KLHL25: variants seen among roughly 807,000 people sequenced by gnomAD.
KLHL25 encodes the protein kelch-like protein 25.
Under a neutral mutation model 30.0 loss-of-function variants are expected in KLHL25, and 41 were observed. That is an observed-to-expected ratio of 1.37 (90% CI 1.07 to 1.78). KLHL25 has a LOEUF of 1.78. Among genes scored for constraint, KLHL25 ranks in the 40% most tolerant of loss-of-function variants. KLHL25 has a pLI of 0.00. For missense variants in KLHL25, 971 were observed against 824.5 expected, an observed-to-expected ratio of 1.18 and a Z score of -2.18; for synonymous variants, 399 against 355.3, an observed-to-expected ratio of 1.12 and a Z score of -1.38.
rs2089577509 is a variant in KLHL25 at position 85,760,901 on chromosome 15, T to TCC, written c.*133_*134dup. On this transcript the variant is annotated 3_prime_UTR_variant, in exon 3 of 3. Transcript: ENST00000337975. ...GCTCAGAACAGCCCAAGGCTGCTGC[T>TCC]CCCCAGAGCTGGCAGGGCCCCTTCC... 6.6e-6 allele frequency: 1 copy of TCC among 152,242 alleles called. No individual in the cohort carries two copies. The allele number at this position is 152,242 out of a possible 1,614,324, so 9.4% of individuals were successfully genotyped here. A position where few individuals can be genotyped will look rare whatever the true frequency, so the allele number is the denominator to read the frequency against.
At chr15:85,788,134 C>T (rs1463816863) in intron 1 of KLHL25, among the ~76,000 whole-genome samples, 2 of 146,294 alleles carry the variant, frequency 1.4e-5, no homozygotes, top group African/African-American at 5.1e-5. Flanking sequence ...TGAAAGAGAA[C>T]AATGTTATCC....
chr15:85,788,199 G>C (rs571584662), intron 1 of KLHL25, among the ~76,000 whole-genome samples: 3 of 152,230 alleles, frequency 2.0e-5, no homozygotes, highest in African/African-American at 7.2e-5. Context: ...GCACCTCTCT[G>C]TGCCTCATGA....
In KLHL25 at chr15:85,788,634, G is replaced by A. The variant is rs190711141; in HGVS notation, c.-11+6132C>T. Among the ~76,000 whole-genome samples the A allele has an allele frequency of 2.6e-5, 4 of 152,210 alleles. No homozygotes were observed. The East Asian group carries it at 5.8e-4, about 22-fold the overall frequency. On this transcript the variant is annotated intron_variant, in intron 1 of 2. Transcript: ENST00000337975. ...ACATGCCCACTATTGAGACCCTAGC[G>A]CTGTGCCATACCCGCCTGTCTGCCT...
At chr15:85,764,685 G>A (rs2089607147) in intron 2 of KLHL25, among the ~76,000 whole-genome samples, 1 of 152,214 alleles carries the variant, frequency 6.6e-6, no homozygotes, top group Admixed American at 6.5e-5. Flanking sequence ...AGGCCTTTCA[G>A]AGGGAGGGGC....
In KLHL25 at chr15:85,789,582, T is replaced by C. The variant is rs375441898; in HGVS notation, c.-11+5184A>G. Among the ~76,000 whole-genome samples the C allele has an allele frequency of 6.6e-6, 1 of 152,154 alleles. No homozygotes were observed. Among genetic ancestry groups the C allele is most frequent in the Non-Finnish European group, 1.5e-5 (1 of 68,020 alleles). On this transcript the variant is annotated intron_variant, in intron 1 of 2. Transcript: ENST00000337975. The surrounding 1 kb of genome is among the most constrained non-coding windows in gnomAD (Gnocchi z 4.1). Reference sequence around the variant, plus strand: ...GATCTCCCTTGCTCCTCAAAGCTCGTTGTCCAACTCTCTGCTGGGAGGTGG... The same window carrying C: ...GATCTCCCTTGCTCCTCAAAGCTCGCTGTCCAACTCTCTGCTGGGAGGTGG...
At chr15:85,774,876 TTTTC>T (rs1424487026) in intron 1 of KLHL25, among the ~76,000 whole-genome samples, 2 of 109,862 alleles carry the variant, frequency 1.8e-5, no homozygotes, top group Admixed American at 9.3e-5. Flanking sequence ...TCTTTTTTTC[TTTTC>T]TTTTTTTTTT....
intron 1 of KLHL25, among the ~76,000 whole-genome samples, chr15:85,780,090 T>G (rs1230462439): frequency 6.6e-6 from 1 of 152,192 alleles, no homozygotes; most frequent in Non-Finnish European, 1.5e-5. Flanking sequence ...TCAAGGCAGA[T>G]GGAAGGTGCC....
rs903206031 is a variant in KLHL25 at position 85,776,768 on chromosome 15, A to G, written c.-10-6948T>C. On this transcript the variant is annotated intron_variant, in intron 1 of 2. Transcript: ENST00000337975. ...GTGAAACCCTGCCTCTACTAAAAAT[A>G]CAAAAAATTAGCTGGGTGTGGTGGC... Among the ~76,000 whole-genome samples, 6 of 151,190 alleles carry G rather than the reference A, an allele frequency of 4.0e-5. No homozygotes were observed. In the South Asian group the frequency reaches 1.3e-3, roughly 32 times the overall value.
At chr15:85,784,482 C>G (rs576828333) in intron 1 of KLHL25, among the ~76,000 whole-genome samples, 2 of 151,780 alleles carry the variant, frequency 1.3e-5, no homozygotes, top group Non-Finnish European at 1.5e-5. Flanking sequence ...AGTGAGCTGA[C>G]GTTGCTCTAC....
intron 1 of KLHL25, chr15:85,770,384 T>C: frequency 2.1e-6 from 1 of 465,846 alleles, no homozygotes; most frequent in Non-Finnish European, 4.4e-6. Context: ...CAGGGTTTGC[T>C]GTGGACGCCC....
In KLHL25 at chr15:85,769,439, G is replaced by A. The variant is rs35444061; in HGVS notation, c.372C>T (p.Gly124=). 7.7e-3 allele frequency: 12,367 copies of A among 1,614,016 alleles called. 810 individuals are homozygous for A. In the African/African-American group the frequency reaches 0.15, roughly 19 times the overall value. ...EENAESLLEA[G]DMLQFHDVRD... is the part of the protein sequence containing the mutation. ...GCACATCGTGGAACTGCAGCATGTC[G>A]CCTGCCTCCAGCAGTGACTCAGCGT... is the stretch of plus-strand genomic sequence containing the variant. The change falls in exon 2 of 3, where the codon GGC becomes GGT. Residue 124 remains glycine, a synonymous_variant. Coordinates refer to ENST00000337975, the MANE Select transcript of KLHL25 (RefSeq NM_022480.4).
intron 1 of KLHL25, among the ~76,000 whole-genome samples, chr15:85,786,901 A>G (rs1486408221): frequency 6.6e-6 from 1 of 152,208 alleles, no homozygotes; most frequent in African/African-American, 2.4e-5. Flanking sequence ...TGCAAAAAAT[A>G]CAGCAGCCTA....
At chr15:85,782,980 C>A (rs763364820) in intron 1 of KLHL25, among the ~76,000 whole-genome samples, 4 of 152,142 alleles carry the variant, frequency 2.6e-5, no homozygotes, top group Non-Finnish European at 5.9e-5. Context: ...ACAATACCCA[C>A]GGGAGAAAGA....
intron 1 of KLHL25, among the ~76,000 whole-genome samples, chr15:85,773,603 T>G (rs1410456526): frequency 2.6e-5 from 4 of 152,120 alleles, no homozygotes; most frequent in African/African-American, 9.7e-5. Context: ...GTGCCAGGCC[T>G]GGCTGATGAG....
chr15:85,766,844 G>C (rs1173679698), intron 2 of KLHL25, among the ~76,000 whole-genome samples: 1 of 152,214 alleles, frequency 6.6e-6, no homozygotes, highest in Non-Finnish European at 1.5e-5. Flanking sequence ...CCCATCCCTT[G>C]CATGCTGGTG....
chr15:85,782,082 A>C (rs922430495), intron 1 of KLHL25, among the ~76,000 whole-genome samples: 24 of 151,868 alleles, frequency 1.6e-4, no homozygotes, highest in African/African-American at 5.8e-4. Context: ...TTTGCAGAGG[A>C]CAGGCCCTCC....
Position 85,769,517 on chromosome 15 carries a change from C to A in KLHL25, c.294G>T (p.Leu98=). The change falls in exon 2 of 3, where the codon CTG becomes CTT. Residue 98 remains leucine, a synonymous_variant. Coordinates refer to ENST00000337975, the MANE Select transcript of KLHL25 (RefSeq NM_022480.4). The part of the protein sequence containing the change: ...NFQDNLHPEV[L]ELLLDFAYSS... Reference sequence around the variant, plus strand: ...AGTAGGCAAAGTCCAGCAGCAGCTCCAGCACCTCCGGGTGCAGGTTGTCCT... The same window carrying A: ...AGTAGGCAAAGTCCAGCAGCAGCTCAAGCACCTCCGGGTGCAGGTTGTCCT... 1 of 1,613,982 alleles carries A rather than the reference C, an allele frequency of 6.2e-7. No homozygotes were observed. Among genetic ancestry groups the A allele is most frequent in the Non-Finnish European group, 8.5e-7 (1 of 1,180,042 alleles).
chr15:85,768,809 G>C lies in KLHL25; in HGVS notation c.1002C>G (p.Ser334Arg). Residue 334 changes from serine to arginine, a missense_variant, in exon 2 of 3, where the codon AGC becomes AGG. Ser to Arg is a moderately radical substitution (Grantham distance 110). Transcript: ENST00000337975. ...AGACCTTGCAGCCGATCGCTGAGGCGCTGAACTCCTTCCGGGGGCTGGGCA... is the reference window on the plus strand; with the variant it reads ...AGACCTTGCAGCCGATCGCTGAGGCCCTGAACTCCTTCCGGGGGCTGGGCA... ...ADLPSPRKEF[S>R]ASAIGCKVYV... 6.2e-7 allele frequency: 1 copy of C among 1,613,314 alleles called. No individual in the cohort carries two copies. The highest frequency in any genetic ancestry group is 8.5e-7 in the Non-Finnish European group (1 of 1,180,042).
In KLHL25 at chr15:85,759,882, T is replaced by C. The variant is rs1192336006; in HGVS notation, c.*1154A>G. The C allele has an allele frequency of 1.3e-5, 2 of 152,026 alleles. No homozygotes were observed. Among genetic ancestry groups the C allele is most frequent in the Admixed American group, 6.6e-5 (1 of 15,262 alleles). 9.4% of individuals were successfully genotyped at this position (152,026 alleles called of 1,614,324 possible). A position where few individuals can be genotyped will look rare whatever the true frequency, so the allele number is the denominator to read the frequency against. ...TGGCTTGGGAGTGAGCGAGAGGCAT[T>C]AGGATGGTCACTGACAGGCGCCAAC... is the stretch of plus-strand genomic sequence containing the variant. On this transcript the variant is annotated 3_prime_UTR_variant, in exon 3 of 3. Coordinates refer to ENST00000337975, the MANE Select transcript of KLHL25 (RefSeq NM_022480.4).
Sources: allele counts gnomAD v4.1 joint callset (sites outside exome capture counted in the v4.1 genomes callset), GRCh38; gene constraint gnomAD v4.1.1; non-coding constraint Gnocchi (gnomAD v3.1); transcripts MANE v1.5; gene names NCBI Gene and HGNC (gene_info 2026-07-23, HGNC 2026-07-21).